AMBRA1: variants seen among roughly 807,000 people sequenced by gnomAD.
AMBRA1 encodes activating molecule in BECN1-regulated autophagy protein 1.
A neutral mutation model predicts 125.4 loss-of-function variants in AMBRA1; 47 were observed. The ratio of observed to expected loss-of-function variants is 0.37; its 90% CI spans 0.30 to 0.48. AMBRA1 has a LOEUF of 0.48. Ranked by LOEUF, AMBRA1 falls within the 20% of genes least tolerant of loss-of-function variation. The pLI, the probability that AMBRA1 is intolerant of heterozygous loss-of-function variation, is 0.99. For synonymous variants in AMBRA1, 626 were observed against 655.5 expected (o/e 0.95, Z 0.69); for missense variants, 1,331 against 1,693.4 (o/e 0.79, Z 3.76).
chr11:46,493,491 T>C (rs1378038678), intron 11 of AMBRA1, 117 bp downstream of exon 11: 8 of 812,160 alleles, frequency 9.9e-6, no homozygotes, highest in Middle Eastern at 2.3e-4. Flanking sequence ...GACCCCAAAA[T>C]AGAATTTTCA....
At chr11:46,550,568 G>T (rs2042961208) in intron 1 of AMBRA1, among the ~76,000 whole-genome samples, 1 of 152,034 alleles carries the variant, frequency 6.6e-6, no homozygotes, top group African/African-American at 2.4e-5. Flanking sequence ...TTTTTTAATG[G>T]GGGGAGATGC....
intron 17 of AMBRA1, among the ~76,000 whole-genome samples, chr11:46,405,809 C>A (rs1945983373): frequency 6.6e-6 from 1 of 150,924 alleles, no homozygotes; most frequent in Non-Finnish European, 1.5e-5. Flanking sequence ...CAGCTCACTG[C>A]AGTCGCCACC....
At chr11:46,568,803 CTT>C (rs774631588) in intron 1 of AMBRA1, among the ~76,000 whole-genome samples, 221 of 96,448 alleles carry the variant, frequency 2.3e-3, no homozygotes, top group African/African-American at 8.5e-3. Flanking sequence ...TCAACCCTAC[CTT>C]TTTTTTTTTT....
At chr11:46,410,204 A>C in intron 16 of AMBRA1, 72 bp downstream of exon 16, 1 of 1,446,340 alleles carries the variant, frequency 6.9e-7, no homozygotes, top group South Asian at 1.1e-5. Flanking sequence ...GGCGCTGCTT[A>C]AGAGCCCATC....
intron 9 of AMBRA1, 94 bp downstream of exon 9, chr11:46,508,097 A>T: frequency 7.4e-7 from 1 of 1,343,892 alleles, no homozygotes; most frequent in East Asian, 2.3e-5. Context: ...GTTGGGAGCA[A>T]GAACATCCAC....
chr11:46,471,187 A>G (rs1949571601), intron 11 of AMBRA1, among the ~76,000 whole-genome samples: 1 of 152,186 alleles, frequency 6.6e-6, no homozygotes, highest in African/African-American at 2.4e-5. Flanking sequence ...CATGCCTGTA[A>G]TCCCAGCACT....
At chr11:46,511,656 TTAAA>T (rs1275730401) in intron 8 of AMBRA1, among the ~76,000 whole-genome samples, 2 of 152,188 alleles carry the variant, frequency 1.3e-5, no homozygotes, top group African/African-American at 4.8e-5. Flanking sequence ...CTAGTATTGC[TTAAA>T]TAATGTGCCT....
chr11:46,426,070 T>TAAAAA (rs796784265), intron 14 of AMBRA1, among the ~76,000 whole-genome samples: 2 of 87,202 alleles, frequency 2.3e-5, no homozygotes, highest in Non-Finnish European at 2.6e-5. Flanking sequence ...CATCTCAAAA[T>TAAAAA]AAAAAAAAAA....
chr11:46,459,739 T>TACAC (rs56374939), intron 11 of AMBRA1, among the ~76,000 whole-genome samples: 2,980 of 110,236 alleles, frequency 0.027, 47 homozygotes, highest in Middle Eastern at 0.052. Context: ...AAAATACACA[T>TACAC]ACACACACAC....
At chr11:46,496,682 G>C (rs59261804) in intron 9 of AMBRA1, among the ~76,000 whole-genome samples, 1 of 151,980 alleles carries the variant, frequency 6.6e-6, no homozygotes, top group Non-Finnish European at 1.5e-5. Context: ...AGACAACAGA[G>C]AAAAAGGGGC....
intron 1 of AMBRA1, among the ~76,000 whole-genome samples, chr11:46,573,766 C>T (rs1453645511): frequency 6.7e-6 from 1 of 149,804 alleles, no homozygotes; most frequent in Non-Finnish European, 1.5e-5. Flanking sequence ...GCTGCACCCA[C>T]TAACTCATCA....
chr11:46,557,749 A>C (rs931670014), intron 1 of AMBRA1, among the ~76,000 whole-genome samples: 20 of 152,208 alleles, frequency 1.3e-4, no homozygotes, highest in Non-Finnish European at 1.9e-4. Flanking sequence ...TCGAGGCTGC[A>C]GTGAGCCCTG....
intron 1 of AMBRA1, among the ~76,000 whole-genome samples, chr11:46,581,554 C>A (rs1351481492): frequency 6.6e-6 from 1 of 151,830 alleles, no homozygotes; most frequent in Non-Finnish European, 1.5e-5. Flanking sequence ...TGCAGCAAGC[C>A]GAGATCGCAC....
chr11:46,460,157 T>C (rs1303574263), intron 11 of AMBRA1, among the ~76,000 whole-genome samples: 2 of 152,184 alleles, frequency 1.3e-5, no homozygotes, highest in Non-Finnish European at 2.9e-5. Flanking sequence ...GAAAGTTAAA[T>C]GTTCATCAAT....
At chr11:46,429,412 T>C (rs1947341541) in intron 14 of AMBRA1, among the ~76,000 whole-genome samples, 1 of 152,240 alleles carries the variant, frequency 6.6e-6, no homozygotes, top group African/African-American at 2.4e-5. Flanking sequence ...AAACCACTTA[T>C]GTGCCTACAA....
At chr11:46,493,754 G>A (rs956191105) in intron 10 of AMBRA1, 46 bp from the exon 11 acceptor site, 17 of 1,460,946 alleles carry the variant, frequency 1.2e-5, no homozygotes, top group South Asian at 5.1e-5. Flanking sequence ...AGACTACCAC[G>A]AAACAGATAC....
intron 1 of AMBRA1, among the ~76,000 whole-genome samples, chr11:46,589,413 A>G (rs1458551962): frequency 6.6e-6 from 1 of 152,208 alleles, no homozygotes; most frequent in Non-Finnish European, 1.5e-5. Context: ...GAACAATTGG[A>G]GAATGAAACA....
chr11:46,581,797 CA>C (rs1162857231), intron 1 of AMBRA1, among the ~76,000 whole-genome samples: 18,951 of 69,800 alleles, frequency 0.27, 1,850 homozygotes, highest in African/African-American at 0.42. Context: ...AAAACTCCAT[CA>C]AAAAAAAAAA....
chr11:46,583,440 G>A (rs2044247771), intron 1 of AMBRA1, among the ~76,000 whole-genome samples: 1 of 151,310 alleles, frequency 6.6e-6, no homozygotes, highest in Non-Finnish European at 1.5e-5. Context: ...CATAGGCATG[G>A]GAAAGGACTT....
Sources: allele counts gnomAD v4.1 joint callset (sites outside exome capture counted in the v4.1 genomes callset), GRCh38; gene constraint gnomAD v4.1.1; transcripts MANE v1.5; gene names NCBI Gene and HGNC (gene_info 2026-07-23, HGNC 2026-07-21).